The following EXOC4 variants were observed in gnomAD, a reference collection of about 807,000 sequenced individuals.
EXOC4 encodes exocyst complex component 4, also known as SEC8-like 1.
Under a neutral mutation model 107.2 loss-of-function variants are expected in EXOC4, and 71 were observed. The observed-to-expected ratio is 0.66, with a 90% CI of 0.55 to 0.81. The LOEUF (loss-of-function observed/expected upper bound fraction) is 0.81. Ranked by LOEUF, EXOC4 falls within the 30% of genes least tolerant of loss-of-function variation. EXOC4 has a pLI of 0.00. For synonymous variants in EXOC4, 456 were observed against 441.2 expected, an observed-to-expected ratio of 1.03 and a Z score of -0.42; for missense variants, 1,108 against 1,189.6, an observed-to-expected ratio of 0.93 and a Z score of 1.01.
chr7:133,931,830 C>T (rs1161278200), intron 13 of EXOC4, among the ~76,000 whole-genome samples: 1 of 152,208 alleles, frequency 6.6e-6, no homozygotes, highest in Non-Finnish European at 1.5e-5. Context: ...AGACCAGGAG[C>T]CTGCATGGTG....
At chr7:134,000,248 C>G (rs979000477) in intron 15 of EXOC4, among the ~76,000 whole-genome samples, 4 of 152,152 alleles carry the variant, frequency 2.6e-5, no homozygotes, top group Non-Finnish European at 5.9e-5. Context: ...TGCACTTACT[C>G]TATCCTGGTC....
chr7:134,006,170 T>C (rs1794638454), intron 16 of EXOC4, among the ~76,000 whole-genome samples: 1 of 152,006 alleles, frequency 6.6e-6, no homozygotes, highest in Non-Finnish European at 1.5e-5. Flanking sequence ...CAACATTTGT[T>C]TTATTCCTAT....
intron 9 of EXOC4, among the ~76,000 whole-genome samples, chr7:133,609,345 T>A (rs193155302): frequency 1.3e-5 from 2 of 152,246 alleles, no homozygotes; most frequent in Admixed American, 1.3e-4. Context: ...TTCAGATGTT[T>A]ATGCCAAATG....
Position 133,820,277 on chromosome 7 carries a change from G to A in EXOC4, c.1734+2733G>A, listed in dbSNP as rs527961063. Among the ~76,000 whole-genome samples the A allele has an allele frequency of 4.0e-5, 6 of 149,418 alleles. No individual in the cohort carries two copies. In the South Asian group the frequency reaches 1.3e-3, roughly 32 times the overall value. On this transcript the variant is annotated intron_variant, in intron 11 of 17. Transcript: ENST00000253861. ...ACTAAGTTTGTTTAATATTCTCAGA[G>A]AGAGTTATGCAGTTTAAAAAGCAAA...
At chr7:133,606,519 T>TATTATTA (rs1356063575) in intron 9 of EXOC4, among the ~76,000 whole-genome samples, 5 of 122,114 alleles carry the variant, frequency 4.1e-5, no homozygotes, top group African/African-American at 1.3e-4. Flanking sequence ...TTATTATTAT[T>TATTATTA]TTTTTTTTTT....
At chr7:133,631,894 A>G (rs1802600357) in intron 10 of EXOC4, among the ~76,000 whole-genome samples, 1 of 152,122 alleles carries the variant, frequency 6.6e-6, no homozygotes, top group African/African-American at 2.4e-5. Context: ...CTTCTAACCT[A>G]GATTTAATGC....
chr7:133,532,185 A>T (rs1053214965), intron 9 of EXOC4, among the ~76,000 whole-genome samples: 8 of 152,086 alleles, frequency 5.3e-5, no homozygotes, highest in Admixed American at 4.6e-4. Context: ...CCCAATACTT[A>T]CTATTTCTAA....
chr7:133,723,420 C>T (rs1795147578), intron 10 of EXOC4, among the ~76,000 whole-genome samples: 1 of 152,228 alleles, frequency 6.6e-6, no homozygotes, highest in African/African-American at 2.4e-5. Context: ...ATATCCCCCT[C>T]TGGCAGAGAA....
chr7:133,652,120 C>T (rs188440822), intron 10 of EXOC4, among the ~76,000 whole-genome samples: 24 of 152,246 alleles, frequency 1.6e-4, no homozygotes, highest in East Asian at 1.2e-3. Flanking sequence ...CCTTTCTCCC[C>T]GTGACACTGA....
At chr7:133,571,212 A>G (rs563213576) in intron 9 of EXOC4, among the ~76,000 whole-genome samples, 3 of 152,212 alleles carry the variant, frequency 2.0e-5, no homozygotes, top group Admixed American at 2.0e-4. Flanking sequence ...CTGTGTTGCA[A>G]TAAGCCCCTT....
intron 10 of EXOC4, among the ~76,000 whole-genome samples, chr7:133,785,699 G>T (rs910626884): frequency 6.6e-6 from 1 of 150,580 alleles, no homozygotes; most frequent in African/African-American, 2.4e-5. Flanking sequence ...TTGAGACGGA[G>T]TCTCGTTCTT....
chr7:133,493,175 A>G (rs1282650376), intron 9 of EXOC4, among the ~76,000 whole-genome samples: 1 of 152,242 alleles, frequency 6.6e-6, no homozygotes, highest in Non-Finnish European at 1.5e-5. Flanking sequence ...CTGTAATCCC[A>G]GCACTTTGGG....
rs112997493 is a variant in EXOC4, at chr7:133,386,757, T to G, written c.1182+11755T>G. 3.6e-3 allele frequency among the ~76,000 whole-genome samples: 552 copies of G among 152,324 alleles called. 5 individuals are homozygous for G. Among genetic ancestry groups the G allele is most frequent in the African/African-American group, 0.012 (515 of 41,574 alleles). ...GTAGAAACTGTTATTGCACCATTTC[T>G]TCTAATCTTGGCTTGTAAGATCTCC... On this transcript the variant is annotated intron_variant, in intron 7 of 17. Transcript: ENST00000253861.
At chr7:133,882,188 G>T (rs1798980624) in intron 11 of EXOC4, among the ~76,000 whole-genome samples, 1 of 152,138 alleles carries the variant, frequency 6.6e-6, no homozygotes. Flanking sequence ...CTGCTAGTTT[G>T]CTCTTTTTCA....
At chr7:133,526,745 G>A (rs1800085943) in intron 9 of EXOC4, among the ~76,000 whole-genome samples, 1 of 152,182 alleles carries the variant, frequency 6.6e-6, no homozygotes, top group South Asian at 2.1e-4. Context: ...GCTGAGATGG[G>A]CAGATCACGA....
intron 17 of EXOC4, among the ~76,000 whole-genome samples, chr7:134,011,669 G>A (rs995341000): frequency 4.6e-5 from 7 of 151,828 alleles, no homozygotes; most frequent in South Asian, 2.1e-4. Context: ...TTTATTCAGC[G>A]TATGTTCTCT....
At chr7:133,661,689 C>CAAAAAAAAAAA (rs869078453) in intron 10 of EXOC4, among the ~76,000 whole-genome samples, 1 of 23,626 alleles carries the variant, frequency 4.2e-5, no homozygotes, top group Non-Finnish European at 7.9e-5. Flanking sequence ...AAAAAAAAAA[C>CAAAAAAAAAAA]AAAAAAAAAA....
intron 5 of EXOC4, among the ~76,000 whole-genome samples, chr7:133,322,371 A>G (rs186155788): frequency 6.6e-6 from 1 of 152,272 alleles, no homozygotes; most frequent in Non-Finnish European, 1.5e-5. Flanking sequence ...TAAGTCTTTA[A>G]TACACCTTGA....
chr7:133,307,801 C>T (rs929901604), intron 4 of EXOC4, among the ~76,000 whole-genome samples: 3 of 152,152 alleles, frequency 2.0e-5, no homozygotes, highest in Admixed American at 6.5e-5. Context: ...GCCTTGCTGG[C>T]GGTCCCAGGA....
Sources: gnomAD v4.1 joint callset for allele counts (sites outside exome capture counted in the v4.1 genomes callset) on GRCh38, gnomAD v4.1.1 for gene constraint, MANE v1.5 for transcripts, NCBI Gene and HGNC (gene_info 2026-07-23, HGNC 2026-07-21) for gene names.